Variants in RASEF observed in about 807,000 individuals in gnomAD.
RASEF encodes the protein ras and EF-hand domain-containing protein.
RASEF carries 68 observed loss-of-function variants against 90.1 expected under a neutral mutation model. That is an observed-to-expected ratio of 0.75 (90% confidence interval 0.62 to 0.92). The LOEUF (loss-of-function observed/expected upper bound fraction) is 0.92. Among genes scored for constraint, RASEF ranks in the 40% least tolerant of loss-of-function variants. The pLI is 0.00. For missense variants in RASEF, 949 were observed against 937.2 expected (o/e 1.01, Z -0.16); for synonymous variants, 331 against 345.2 (o/e 0.96, Z 0.46).
At chr9:83,182,072 G>A in the RASEF span, among the ~76,000 whole-genome samples, 1 of 152,030 alleles carries the variant, frequency 6.6e-6, no homozygotes, top group African/African-American at 2.4e-5. Flanking sequence ...GGAGTCTCTG[G>A]GGTGGTGCAA....
chr9:83,046,967 CAA>C (rs10568323), intron 1 of RASEF, among the ~76,000 whole-genome samples: 78,738 of 151,736 alleles, frequency 0.52, 20,411 homozygotes, highest in East Asian at 0.61. Flanking sequence ...CATAATTGAT[CAA>C]AGATACTATT....
chr9:83,033,223 T>A (rs948424603), intron 1 of RASEF, among the ~76,000 whole-genome samples: 1 of 152,128 alleles, frequency 6.6e-6, no homozygotes, highest in African/African-American at 2.4e-5. Context: ...ACATGAGACA[T>A]GAAAACATGC....
the RASEF span, among the ~76,000 whole-genome samples, chr9:83,143,134 C>G: frequency 3.3e-5 from 5 of 152,150 alleles, no homozygotes; most frequent in Non-Finnish European, 7.3e-5. Context: ...CCACAGTTGA[C>G]AGTCAAAGAT....
the RASEF span, among the ~76,000 whole-genome samples, chr9:83,092,020 T>TTTTTTTTTTTTTTTTTTTTTTTTTTTG: frequency 7.0e-6 from 1 of 142,524 alleles, no homozygotes; most frequent in Non-Finnish European, 1.5e-5. Flanking sequence ...TTTTTTTTTT[T>TTTTTTTTTTTTTTTTTTTTTTTTTTTG]TTTTTTTTTT....
At chr9:82,998,082 T>C (rs1180732572) in intron 13 of RASEF, among the ~76,000 whole-genome samples, 3 of 152,168 alleles carry the variant, frequency 2.0e-5, no homozygotes, top group African/African-American at 7.2e-5. Flanking sequence ...TCAAAAATGC[T>C]GCCTCTCATG....
At chr9:83,003,329 G>T (rs768412656) in intron 9 of RASEF, among the ~76,000 whole-genome samples, 7 of 152,184 alleles carry the variant, frequency 4.6e-5, no homozygotes, top group Non-Finnish European at 8.8e-5. Flanking sequence ...TGCTGGGGAC[G>T]TGATGACTTT....
chr9:83,129,743 C>G, the RASEF span, among the ~76,000 whole-genome samples: 1 of 152,182 alleles, frequency 6.6e-6, no homozygotes, highest in African/African-American at 2.4e-5. Context: ...CCTTCCTCCT[C>G]AAATCCTGGA....
At chr9:83,142,509 A>C in the RASEF span, among the ~76,000 whole-genome samples, 1 of 152,254 alleles carries the variant, frequency 6.6e-6, no homozygotes, top group Admixed American at 6.5e-5. Flanking sequence ...TAGAGCCTGA[A>C]GTTTAACTAT....
intron 1 of RASEF, among the ~76,000 whole-genome samples, chr9:83,045,404 C>T (rs1002849658): frequency 1.4e-4 from 22 of 152,332 alleles, no homozygotes; most frequent in African/African-American, 5.3e-4. Context: ...TTCAACAGGG[C>T]AGGTCACTTC....
At chr9:83,215,695 T>G in the RASEF span, among the ~76,000 whole-genome samples, 794 of 152,296 alleles carry the variant, frequency 5.2e-3, 7 homozygotes, top group African/African-American at 0.018. Flanking sequence ...AGGGTGCTGC[T>G]GCAAAGGTAC....
At chr9:82,984,484 C>CT (rs1239349038) in intron 16 of RASEF, among the ~76,000 whole-genome samples, 1 of 152,144 alleles carries the variant, frequency 6.6e-6, no homozygotes, top group Non-Finnish European at 1.5e-5. Flanking sequence ...CTGATTCTAG[C>CT]TATAGGACAG....
chr9:83,018,046 A>C (rs111276840), intron 3 of RASEF, among the ~76,000 whole-genome samples: 46 of 152,264 alleles, frequency 3.0e-4, no homozygotes, highest in African/African-American at 1.1e-3. Context: ...AACAGAAGGG[A>C]CTCTACTGCA....
intron 9 of RASEF, among the ~76,000 whole-genome samples, chr9:83,002,349 TTCTC>T (rs1296479337): frequency 3.3e-5 from 5 of 152,116 alleles, no homozygotes; most frequent in Non-Finnish European, 7.4e-5. Context: ...GTAACTAACT[TTCTC>T]TCTCTCAATA....
the RASEF span, among the ~76,000 whole-genome samples, chr9:83,164,353 A>G: frequency 2.1e-3 from 289 of 138,364 alleles, 1 homozygote; most frequent in African/African-American, 5.8e-3. Flanking sequence ...GTGTGTATAT[A>G]TATATATATA....
chr9:83,044,218 A>C (rs1829890440), intron 1 of RASEF, among the ~76,000 whole-genome samples: 1 of 152,108 alleles, frequency 6.6e-6, no homozygotes, highest in African/African-American at 2.4e-5. Flanking sequence ...GAAAGGAGGG[A>C]AGGAAGGAGT....
the RASEF span, among the ~76,000 whole-genome samples, chr9:83,099,077 T>G: frequency 2.6e-5 from 4 of 152,194 alleles, no homozygotes; most frequent in African/African-American, 7.2e-5. Context: ...CACCCTGACA[T>G]CTATCTCTGT....
rs763988944 is a variant in RASEF at position 83,000,573 on chromosome 9, A to AT, written c.1438-4dup. The AT allele has an allele frequency of 5.7e-5, 90 of 1,579,962 alleles. 1 individual carries two copies. The highest frequency in any genetic ancestry group is 2.8e-4 in the South Asian group (24 of 86,384). ...TCTTCATCCCTTATGTCAGGAACCT[A>AT]TTTTTTTTAAAATGTCAGCAGTTAA... On this transcript the variant is annotated splice_region_variant and splice_polypyrimidine_tract_variant and intron_variant, in intron 10 of 16. Transcript: ENST00000376447.
At chr9:83,002,126 C>T (rs929619060) in intron 9 of RASEF, among the ~76,000 whole-genome samples, 1 of 152,082 alleles carries the variant, frequency 6.6e-6, no homozygotes, top group Non-Finnish European at 1.5e-5. Flanking sequence ...CCCACTACAC[C>T]CTGGGCACCA....
At chr9:82,988,842 T>G (rs1828761069) in intron 16 of RASEF, among the ~76,000 whole-genome samples, 1 of 152,164 alleles carries the variant, frequency 6.6e-6, no homozygotes, top group Non-Finnish European at 1.5e-5. Context: ...TAAATTGCAG[T>G]CTCGGGTATT....
Sources: allele counts gnomAD v4.1 joint callset (sites outside exome capture counted in the v4.1 genomes callset), GRCh38; gene constraint gnomAD v4.1.1; transcripts MANE v1.5; gene names NCBI Gene and HGNC (gene_info 2026-07-23, HGNC 2026-07-21).